ZEB2: variants seen among roughly 807,000 people sequenced by gnomAD.
ZEB2 encodes zinc finger E-box-binding homeobox 2.
In ZEB2, 6 loss-of-function variants were observed where a neutral mutation model predicts 99.9. The ratio of observed to expected loss-of-function variants is 0.06; its 90% CI spans 0.03 to 0.12. The LOEUF is 0.12. Among genes scored for constraint, ZEB2 ranks in the 10% least tolerant of loss-of-function variants. The pLI is 1.00. For synonymous variants in ZEB2, 517 were observed against 542.5 expected (o/e 0.95, Z 0.65); for missense variants, 969 against 1,502.8 (o/e 0.64, Z 5.87).
intron 2 of ZEB2, among the ~76,000 whole-genome samples, chr2:144,504,952 T>C (rs1704931855): frequency 6.6e-6 from 1 of 152,194 alleles, no homozygotes; most frequent in Non-Finnish European, 1.5e-5. Flanking sequence ...CACTAAAACA[T>C]AAAGTGCAAT....
rs544089200 is a variant in ZEB2 at position 144,476,166 on chromosome 2, G to A, written c.73+41112C>T. On this transcript the variant is annotated intron_variant, in intron 2 of 9. Coordinates refer to ENST00000627532, the MANE Select transcript of ZEB2 (RefSeq NM_014795.4). ...ACTACTTATCTTTTTTTTTTCTTGC[G>A]AAATTTAACCTGCCTAATTTTGTAG... Among the ~76,000 whole-genome samples the A allele has an allele frequency of 7.3e-5, 11 of 150,218 alleles. No homozygotes were observed. The East Asian group carries it at 1.2e-3, about 16-fold the overall frequency.
chr2:144,478,067 A>G (rs1560641255), intron 2 of ZEB2, among the ~76,000 whole-genome samples: 1 of 152,176 alleles, frequency 6.6e-6, no homozygotes, highest in Non-Finnish European at 1.5e-5. Context: ...AGGGTTTCCC[A>G]CCTGAGACAG....
intron 8 of ZEB2, among the ~76,000 whole-genome samples, chr2:144,397,326 ATTAAATAGGC>A (rs1313276593): frequency 1.3e-5 from 2 of 152,196 alleles, no homozygotes; most frequent in Non-Finnish European, 2.9e-5. Context: ...ATTAGAGAAG[ATTAAATAGGC>A]TTAAATACAT....
intron 4 of ZEB2, among the ~76,000 whole-genome samples, chr2:144,419,767 A>T (rs1703594679): frequency 6.6e-6 from 1 of 152,210 alleles, no homozygotes; most frequent in South Asian, 2.1e-4. Flanking sequence ...GTGTGAAAGC[A>T]TTACAATTTT....
intron 2 of ZEB2, among the ~76,000 whole-genome samples, chr2:144,449,034 T>A (rs1704021740): frequency 6.6e-6 from 1 of 152,228 alleles, no homozygotes; most frequent in Admixed American, 6.5e-5. Flanking sequence ...GTCCGTGCCT[T>A]GGAAATCCCT....
intron 2 of ZEB2, chr2:144,464,134 T>C (rs1350704829): frequency 6.6e-6 from 1 of 152,200 alleles, no homozygotes; most frequent in Non-Finnish European, 1.5e-5. Context: ...TACTGTGTGA[T>C]ATTGTGCAGT....
chr2:144,513,510 C>T (rs192137536), intron 2 of ZEB2: 2 of 1,526,592 alleles, frequency 1.3e-6, no homozygotes, highest in East Asian at 2.5e-5. Context: ...CTTTAAAAGA[C>T]AACTTCATTT....
chr2:144,415,741 A>G (rs1346133697), intron 4 of ZEB2, among the ~76,000 whole-genome samples: 2 of 152,236 alleles, frequency 1.3e-5, no homozygotes, highest in African/African-American at 2.4e-5. Flanking sequence ...GTTATGAACC[A>G]TTAACACTGT....
Position 144,398,665 on chromosome 2 carries a change from C to T in ZEB2, c.2522G>A (p.Ser841Asn). ...AACACTGTTATGATCTAAACTGATG[C>T]TACTAGCTTTTGTTTTGTTCTTTGT... The part of the protein sequence containing the change: ...IATKNKTKAS[S>N]ISLDHNSVSS... The change falls in exon 8 of 10, where the codon AGC becomes AAC. Residue 841 changes from serine (S) to asparagine (N), a missense_variant. Ser to Asn is a conservative substitution (Grantham distance 46). Coordinates refer to ENST00000627532, the MANE Select transcript of ZEB2 (RefSeq NM_014795.4). 2 of 1,613,906 alleles carry T rather than the reference C, an allele frequency of 1.2e-6. No homozygotes were observed. The highest frequency in any genetic ancestry group is 4.5e-5 in the East Asian group (2 of 44,880).
chr2:144,404,471 A>G (rs1169856687), intron 5 of ZEB2, among the ~76,000 whole-genome samples: 1 of 151,964 alleles, frequency 6.6e-6, no homozygotes, highest in African/African-American at 2.4e-5. Flanking sequence ...TCAGGAACTC[A>G]CAGTGTGAAG....
At chr2:144,467,394 T>C (rs1704287389) in intron 2 of ZEB2, among the ~76,000 whole-genome samples, 2 of 152,122 alleles carry the variant, frequency 1.3e-5, no homozygotes, top group African/African-American at 4.8e-5. Flanking sequence ...TGTCTTCACT[T>C]ATAGCAATGA....
chr2:144,440,705 G>A (rs551751197), intron 2 of ZEB2, among the ~76,000 whole-genome samples: 1 of 151,586 alleles, frequency 6.6e-6, no homozygotes, highest in Admixed American at 6.6e-5. Context: ...TGGCTGGGGG[G>A]ACCCTTTACC....
At chr2:144,402,309 G>A (rs1703323707) in intron 6 of ZEB2, among the ~76,000 whole-genome samples, 1 of 152,100 alleles carries the variant, frequency 6.6e-6, no homozygotes, top group Admixed American at 6.5e-5. Flanking sequence ...CACAGAAACG[G>A]TATGACAACT....
intron 1 of ZEB2, 132 bp from the exon 2 acceptor site, chr2:144,517,551 G>A: frequency 1.5e-6 from 1 of 676,106 alleles, no homozygotes; most frequent in Admixed American, 2.2e-5. Flanking sequence ...GCGAAACTTC[G>A]GCGGCCCCCT....
intron 8 of ZEB2, chr2:144,397,889 C>T (rs1194840383): frequency 9.1e-6 from 3 of 328,496 alleles, no homozygotes; most frequent in South Asian, 5.2e-5. Context: ...GATCCACCCT[C>T]GTTGGCCTCC....
chr2:144,413,693 A>G (rs547093813), intron 4 of ZEB2, among the ~76,000 whole-genome samples: 89 of 152,378 alleles, frequency 5.8e-4, no homozygotes, highest in African/African-American at 2.1e-3. Flanking sequence ...ACTTTGTAAT[A>G]GTATGATTCC....
intron 2 of ZEB2, among the ~76,000 whole-genome samples, chr2:144,476,314 A>G (rs1704429562): frequency 6.6e-6 from 1 of 152,162 alleles, no homozygotes; most frequent in African/African-American, 2.4e-5. Context: ...GCTTCACTAA[A>G]TGACAGGATT....
chr2:144,429,721 A>C, intron 3 of ZEB2, 48 bp downstream of exon 3: 1 of 1,613,428 alleles, frequency 6.2e-7, no homozygotes, highest in Non-Finnish European at 8.5e-7. Context: ...GATTAGTTGA[A>C]GATGTGAAGA....
intron 2 of ZEB2, among the ~76,000 whole-genome samples, chr2:144,497,310 C>A (rs1159700185): frequency 1.3e-5 from 2 of 152,116 alleles, no homozygotes. Flanking sequence ...CCCCCATTTC[C>A]CACTAGACAG....
Sources: gnomAD v4.1 joint callset for allele counts (sites outside exome capture counted in the v4.1 genomes callset) on GRCh38, gnomAD v4.1.1 for gene constraint, MANE v1.5 for transcripts, NCBI Gene and HGNC (gene_info 2026-07-23, HGNC 2026-07-21) for gene names.